Variants in PSG3 observed in about 807,000 individuals in gnomAD.
PSG3 encodes the protein pregnancy-specific beta-1-glycoprotein 3.
In PSG3, 61 loss-of-function variants were observed where a neutral mutation model predicts 47.5. The observed-to-expected ratio is 1.28, with a 90% confidence interval of 1.05 to 1.59. The LOEUF is 1.59. PSG3 is among the 40% of genes most tolerant of loss of function. PSG3 has a pLI of 0.00. For missense variants in PSG3, 756 were observed against 524.0 expected (o/e 1.44, Z -4.32); for synonymous variants, 263 against 198.4 (o/e 1.33, Z -2.74).
intron 3 of PSG3, among the ~76,000 whole-genome samples, chr19:42,730,806 C>T (rs1189509166): frequency 1.3e-5 from 2 of 152,222 alleles, no homozygotes; most frequent in Non-Finnish European, 2.9e-5. Context: ...CTTTAAGTTT[C>T]CTCTCCTTCT....
In PSG3 at chr19:42,729,145, T is replaced by A; in HGVS notation, c.1221A>T (p.Lys407Asn). The A allele has an allele frequency of 6.2e-7, 1 of 1,613,984 alleles. No homozygotes were observed. Among genetic ancestry groups the A allele is most frequent in the Non-Finnish European group, 8.5e-7 (1 of 1,179,860 alleles). ...RNSATGMESS[K>N]SMTVKVSAPS... Reference sequence around the variant, plus strand: ...TACCAGAGACTTTGACTGTCATGGATTTGGAGCTTTCCATGCCAGTGGCTG... The same window carrying A: ...TACCAGAGACTTTGACTGTCATGGAATTGGAGCTTTCCATGCCAGTGGCTG... The change falls in exon 5 of 7, where the codon AAA (lysine) becomes AAT (asparagine). Residue 407 changes from lysine to asparagine, a missense_variant. Lys to Asn is a moderately conservative substitution (Grantham distance 94). Transcript: ENST00000327495.
chr19:42,728,035 A>G (rs1285863728), intron 5 of PSG3, among the ~76,000 whole-genome samples: 2 of 152,202 alleles, frequency 1.3e-5, no homozygotes, highest in Non-Finnish European at 2.9e-5. Context: ...GATAATTATT[A>G]TATAATTCCA....
chr19:42,722,468 A>G (rs1279781484), intron 6 of PSG3, among the ~76,000 whole-genome samples: 1 of 152,116 alleles, frequency 6.6e-6, no homozygotes, highest in Non-Finnish European at 1.5e-5. Context: ...GTTAGCCAGG[A>G]TGGTCTCGAT....
rs547953903 is a variant in PSG3 at position 42,739,163 on chromosome 19, G to C, written c.65-74C>G. The C allele has an allele frequency of 2.2e-3, 3,234 of 1,503,790 alleles. 80 individuals are homozygous for C. The South Asian group carries it at 0.036, about 17-fold the overall frequency. The allele number at this position is 1,503,790 out of a possible 1,614,324, so 93.2% of individuals were successfully genotyped here. A position where few individuals can be genotyped will look rare whatever the true frequency, so the allele number is the denominator to read the frequency against. ...GTGAAAAGATGTGGCCCTGGGTCCTGAGAAGGTCTCTTCAATCCTCAGCTT... is the reference window on the plus strand; with the variant it reads ...GTGAAAAGATGTGGCCCTGGGTCCTCAGAAGGTCTCTTCAATCCTCAGCTT... On this transcript the variant is annotated intron_variant, in intron 1 of 6. Coordinates refer to ENST00000327495, the MANE Select transcript of PSG3 (RefSeq NM_021016.4).
chr19:42,740,039 T>G (rs1053661372), intron 1 of PSG3, among the ~76,000 whole-genome samples: 31 of 151,810 alleles, frequency 2.0e-4, no homozygotes, highest in Admixed American at 1.4e-3. Context: ...TGCAATTTCT[T>G]CCTCCCGGGT....
At chr19:42,734,510 A>G (rs1202458650) in intron 2 of PSG3, among the ~76,000 whole-genome samples, 2 of 152,234 alleles carry the variant, frequency 1.3e-5, no homozygotes, top group African/African-American at 4.8e-5. Context: ...AGTAACAACA[A>G]CAGCAAAAAA....
chr19:42,729,719 C>T (rs946823845), intron 4 of PSG3, 59 bp downstream of exon 4: 18 of 1,578,614 alleles, frequency 1.1e-5, no homozygotes, highest in Middle Eastern at 2.0e-4. Context: ...GAGGCCTGGC[C>T]TCTGGTCGTT....
At chr19:42,723,190 G>T (rs1193796866) in intron 6 of PSG3, among the ~76,000 whole-genome samples, 4 of 152,208 alleles carry the variant, frequency 2.6e-5, no homozygotes, top group Non-Finnish European at 4.4e-5. Flanking sequence ...CACATAGGTT[G>T]TGTTCTGAGT....
rs184919767 is a variant in PSG3, at chr19:42,735,021, C to T, written c.431-1959G>A. 4.0e-3 allele frequency among the ~76,000 whole-genome samples: 609 copies of T among 152,292 alleles called. 1 individual carries two copies. Among genetic ancestry groups the T allele is most frequent in the African/African-American group, 0.013 (537 of 41,548 alleles). On this transcript the variant is annotated intron_variant, in intron 2 of 6. Transcript: ENST00000327495. ...CACGCAGAACTCCAACTTATGAAAA[C>T]GGCATCATCATGAGGAAACAGTTGT...
At chr19:42,726,491 A>G (rs1283500829) in intron 5 of PSG3, among the ~76,000 whole-genome samples, 1 of 152,218 alleles carries the variant, frequency 6.6e-6, no homozygotes, top group Non-Finnish European at 1.5e-5. Context: ...CAATACACTA[A>G]CCATGAACAA....
rs1441491808 is a variant in PSG3 at position 42,721,778 on chromosome 19, A to T, written c.*353T>A. ...AAGTATACTTTACCAATTGCTGAAGAAAAAAAGTGCATAAATCTGGAGAAT... is the reference window on the plus strand; with the variant it reads ...AAGTATACTTTACCAATTGCTGAAGTAAAAAAGTGCATAAATCTGGAGAAT... On this transcript the variant is annotated 3_prime_UTR_variant, in exon 7 of 7. Coordinates refer to ENST00000327495, the MANE Select transcript of PSG3 (RefSeq NM_021016.4). The T allele has an allele frequency of 2.5e-6, 1 of 405,620 alleles. No homozygotes were observed. Among genetic ancestry groups the T allele is most frequent in the Non-Finnish European group, 4.5e-6 (1 of 224,302 alleles). 25.1% of individuals were successfully genotyped at this position (405,620 alleles called of 1,614,324 possible). A position where few individuals can be genotyped will look rare whatever the true frequency, so the allele number is the denominator to read the frequency against.
rs370131978 is a variant in PSG3, at chr19:42,723,922, A to T, written c.*40+20T>A. The T allele has an allele frequency of 6.2e-4, 949 of 1,534,086 alleles. 14 individuals carry two copies. In the South Asian group the frequency reaches 0.01, roughly 16 times the overall value. On this transcript the variant is annotated intron_variant, in intron 6 of 6. Coordinates refer to ENST00000327495, the MANE Select transcript of PSG3 (RefSeq NM_021016.4). ...CAGTTAGCCCTGCAGGAACCAGGAT[A>T]AGAGGAAAGGTCATCATACCTGCCA...
At chr19:42,737,639 A>G (rs1243526071) in intron 2 of PSG3, among the ~76,000 whole-genome samples, 1 of 152,194 alleles carries the variant, frequency 6.6e-6, no homozygotes, top group Admixed American at 6.5e-5. Flanking sequence ...TTGGATGCCT[A>G]AGAAGAGAGG....
chr19:42,727,024 T>C (rs1000590048), intron 5 of PSG3, among the ~76,000 whole-genome samples: 1 of 152,142 alleles, frequency 6.6e-6, no homozygotes, highest in African/African-American at 2.4e-5. Flanking sequence ...GATCGTTCAA[T>C]GGGGAAGGGA....
At chr19:42,739,550 A>G (rs1392721806) in intron 1 of PSG3, 1 of 169,166 alleles carries the variant, frequency 5.9e-6, no homozygotes, top group Admixed American at 5.4e-5. Flanking sequence ...CTTCCCCCCC[A>G]TGACAGCGTG....
chr19:42,736,428 G>T (rs2122193606), intron 2 of PSG3, among the ~76,000 whole-genome samples: 1 of 152,236 alleles, frequency 6.6e-6, no homozygotes, highest in East Asian at 1.9e-4. Flanking sequence ...CCGCCCGCAT[G>T]ATTCCATCAC....
At chr19:42,722,351 T>A (rs542710303) in intron 6 of PSG3, among the ~76,000 whole-genome samples, 1 of 152,128 alleles carries the variant, frequency 6.6e-6, no homozygotes, top group African/African-American at 2.4e-5. Context: ...CCCGGGTTCC[T>A]GCCATTCTCC....
chr19:42,731,132 G>C (rs1198656277), intron 3 of PSG3, among the ~76,000 whole-genome samples: 1 of 152,192 alleles, frequency 6.6e-6, no homozygotes, highest in Middle Eastern at 3.2e-3. Flanking sequence ...TTGTTCATGG[G>C]TGGGCAGTTT....
rs1969336410 is a variant in PSG3, at chr19:42,724,010, C to A, written c.1259G>T (p.Gly420Val). The change falls in exon 6 of 7, where the codon GGA becomes GTA. Residue 420 changes from glycine (G) to valine (V), a missense_variant. By Grantham distance (109) the Gly-to-Val change is moderately radical. Coordinates refer to ENST00000327495, the MANE Select transcript of PSG3 (RefSeq NM_021016.4). ...TVKVSAPSGT[G>V]HLPGLNPL is the part of the protein sequence containing the mutation. ...TAATGGATTAAGGCCAGGAAGATGT[C>A]CTGTTCCTGAAGGAGCTGTCATGGA... The A allele has an allele frequency of 6.2e-7, 1 of 1,611,830 alleles. No individual in the cohort carries two copies. Among genetic ancestry groups the A allele is most frequent in the Admixed American group, 1.7e-5 (1 of 59,990 alleles).
Sources: gnomAD v4.1 joint callset for allele counts (sites outside exome capture counted in the v4.1 genomes callset) on GRCh38, gnomAD v4.1.1 for gene constraint, MANE v1.5 for transcripts, NCBI Gene and HGNC (gene_info 2026-07-23, HGNC 2026-07-21) for gene names.